Variants in FMNL2 observed in about 807,000 individuals in gnomAD.
The protein encoded by FMNL2 is formin-like protein 2.
In FMNL2, 51 loss-of-function variants were observed where a neutral mutation model predicts 130.2. The observed-to-expected ratio is 0.39, with a 90% CI of 0.31 to 0.49. The LOEUF (loss-of-function observed/expected upper bound fraction) is 0.49, where lower values mean the gene tolerates loss of function less well. Among genes scored for constraint, FMNL2 ranks in the 20% least tolerant of loss-of-function variants. FMNL2 has a pLI of 0.85. For synonymous variants in FMNL2, 465 were observed against 467.1 expected (o/e 1.00, Z 0.06); for missense variants, 977 against 1,316.2 (o/e 0.74, Z 3.99).
chr2:152,468,118 C>T (rs7559217), intron 1 of FMNL2, among the ~76,000 whole-genome samples: 26,284 of 152,230 alleles, frequency 0.17, 2,663 homozygotes, highest in East Asian at 0.29. Context: ...ATAGAGTAGT[C>T]ATGGCTTCAG....
chr2:152,378,788 T>TA (rs1684304309), intron 1 of FMNL2, among the ~76,000 whole-genome samples: 1 of 152,104 alleles, frequency 6.6e-6, no homozygotes, highest in Non-Finnish European at 1.5e-5. Context: ...AGCTCATTGT[T>TA]ACACAACATC....
At chr2:152,547,939 A>C (rs1694735138) in intron 3 of FMNL2, among the ~76,000 whole-genome samples, 1 of 152,198 alleles carries the variant, frequency 6.6e-6, no homozygotes, top group African/African-American at 2.4e-5. Context: ...TTTCTGTAGG[A>C]AAATGTGTTC....
intron 1 of FMNL2, among the ~76,000 whole-genome samples, chr2:152,383,731 T>C (rs1414042733): frequency 1.3e-5 from 2 of 152,136 alleles, no homozygotes; most frequent in East Asian, 1.9e-4. Context: ...AAGAAAGCCA[T>C]TGAGGAAACC....
At chr2:152,480,171 G>A (rs1029861802) in intron 1 of FMNL2, among the ~76,000 whole-genome samples, 19 of 152,138 alleles carry the variant, frequency 1.2e-4, no homozygotes, top group African/African-American at 4.6e-4. Context: ...GCCTTAGCAG[G>A]CAGGCTGAAG....
At chr2:152,465,120 A>G (rs1238062389) in intron 1 of FMNL2, among the ~76,000 whole-genome samples, 1 of 152,246 alleles carries the variant, frequency 6.6e-6, no homozygotes, top group African/African-American at 2.4e-5. Flanking sequence ...CTGCGCAAGT[A>G]GTGAACTACC....
intron 9 of FMNL2, among the ~76,000 whole-genome samples, chr2:152,591,088 C>T (rs972071189): frequency 2.8e-5 from 4 of 143,188 alleles, no homozygotes; most frequent in Non-Finnish European, 6.0e-5. Flanking sequence ...CAGCTCACTG[C>T]AACCTCCGTC....
intron 15 of FMNL2, among the ~76,000 whole-genome samples, chr2:152,621,358 GC>G (rs1699236612): frequency 6.6e-6 from 1 of 152,204 alleles, no homozygotes; most frequent in African/African-American, 2.4e-5. Flanking sequence ...CTTCCAAGGG[GC>G]CATGTCCTGT....
chr2:152,538,469 G>A (rs1386231493), intron 2 of FMNL2, among the ~76,000 whole-genome samples: 3 of 151,924 alleles, frequency 2.0e-5, no homozygotes, highest in Admixed American at 2.0e-4. Flanking sequence ...TAGTAGAGGT[G>A]GGGTTTCACC....
chr2:152,590,980 C>CTTTTTTTTTTTTTTTTTTTTTTTTT (rs1158391663), intron 9 of FMNL2, among the ~76,000 whole-genome samples: 1 of 65,744 alleles, frequency 1.5e-5, no homozygotes, highest in Non-Finnish European at 2.6e-5. Context: ...CCTCTGATAA[C>CTTTTTTTTTTTTTTTTTTTTTTTTT]TTTTTTTTTT....
At chr2:152,552,494 C>A (rs1694990488) in intron 4 of FMNL2, among the ~76,000 whole-genome samples, 1 of 152,180 alleles carries the variant, frequency 6.6e-6, no homozygotes, top group Non-Finnish European at 1.5e-5. Context: ...CTTGAGCTTT[C>A]CCAAGATAAC....
At chr2:152,507,474 G>T (rs1026177495) in intron 1 of FMNL2, among the ~76,000 whole-genome samples, 3 of 152,098 alleles carry the variant, frequency 2.0e-5, no homozygotes, top group African/African-American at 7.2e-5. Context: ...TTTTCTTTTT[G>T]ATTTTCATAA....
At chr2:152,381,806 A>G (rs1684478168) in intron 1 of FMNL2, among the ~76,000 whole-genome samples, 1 of 104,260 alleles carries the variant, frequency 9.6e-6, no homozygotes, top group Non-Finnish European at 2.0e-5. Context: ...ACAGCAAAGC[A>G]GAACTTTTTT....
chr2:152,438,921 T>C (rs754233202), intron 1 of FMNL2, among the ~76,000 whole-genome samples: 1 of 152,210 alleles, frequency 6.6e-6, no homozygotes, highest in Non-Finnish European at 1.5e-5. Context: ...CCGGCACTTA[T>C]GTTTCTAGTA....
At chr2:152,408,590 G>T (rs1462818401) in intron 1 of FMNL2, among the ~76,000 whole-genome samples, 3 of 150,276 alleles carry the variant, frequency 2.0e-5, no homozygotes, top group Admixed American at 1.3e-4. Flanking sequence ...GTTTTTTTTT[G>T]CCCTGATAAA....
rs965666158 is a variant in FMNL2 at position 152,365,729 on chromosome 2, C to T, written c.117+30009C>T. The stretch of plus-strand genomic sequence containing the variant: ...CGGAGGTTGCAGTGAGCCGAGATCA[C>T]GCCACTGCACTCCAGCCTGGGCGAC... On this transcript the variant is annotated intron_variant, in intron 1 of 25. Coordinates refer to ENST00000288670, the MANE Select transcript of FMNL2 (RefSeq NM_052905.4). 6.8e-4 allele frequency among the ~76,000 whole-genome samples: 103 copies of T among 152,144 alleles called. 1 individual carries two copies. Among genetic ancestry groups the T allele is most frequent in the African/African-American group, 2.2e-3 (93 of 41,504 alleles).
intron 16 of FMNL2, among the ~76,000 whole-genome samples, chr2:152,626,181 C>T (rs1235457148): frequency 1.3e-5 from 2 of 152,096 alleles, no homozygotes; most frequent in Middle Eastern, 6.3e-3. Context: ...AGATTACAGG[C>T]ACACACTACC....
At chr2:152,338,021 G>GTTTT (rs111784279) in intron 1 of FMNL2, among the ~76,000 whole-genome samples, 5 of 139,684 alleles carry the variant, frequency 3.6e-5, no homozygotes, top group Non-Finnish European at 4.7e-5. Context: ...GATTTCTCTT[G>GTTTT]TTTTTTTTTT....
At chr2:152,427,076 G>A (rs1179394996) in intron 1 of FMNL2, among the ~76,000 whole-genome samples, 1 of 152,106 alleles carries the variant, frequency 6.6e-6, no homozygotes, top group Non-Finnish European at 1.5e-5. Flanking sequence ...GTATCAACCT[G>A]GTTTGTTTCT....
chr2:152,558,715 AT>A (rs70974869), intron 4 of FMNL2, 24 bp from the exon 5 acceptor site: 33,852 of 1,339,958 alleles, frequency 0.025, no homozygotes, highest in Admixed American at 0.036. Context: ...TTCTCCAATG[AT>A]TTTTTTTTTT....
Sources: gnomAD v4.1 joint callset for allele counts (sites outside exome capture counted in the v4.1 genomes callset) on GRCh38, gnomAD v4.1.1 for gene constraint, MANE v1.5 for transcripts, NCBI Gene and HGNC (gene_info 2026-07-23, HGNC 2026-07-21) for gene names.